The following PLAC1 variants were observed in gnomAD, a reference collection of about 807,000 sequenced individuals.
PLAC1 encodes placenta associated 1.
For missense variants in PLAC1, 136 were observed against 163.2 expected (o/e 0.83, Z 0.91); for synonymous variants, 68 against 62.1 (o/e 1.09, Z -0.44).
At chrX:134,663,450 G>A (rs973840517), upstream of PLAC1, among the ~76,000 whole-genome samples, 17 of 112,962 alleles carry the variant, frequency 1.5e-4, no homozygotes, top group Non-Finnish European at 2.1e-4. Context: ...GTGTGTGTGC[G>A]CGCACGCGCG....
At chrX:134,638,430 C>CT (rs1399125160) in intron 1 of PLAC1, among the ~76,000 whole-genome samples, 5 of 112,504 alleles carry the variant, frequency 4.4e-5, no homozygotes, top group Non-Finnish European at 9.4e-5. Context: ...GCAGAAAAAT[C>CT]TTATAAATAG....
chrX:134,702,177 A>T (rs1487753701), intron 2 of PLAC1, among the ~76,000 whole-genome samples: 2 of 112,422 alleles, frequency 1.8e-5, no homozygotes, highest in Non-Finnish European at 3.7e-5. Flanking sequence ...TGTGGAAAGC[A>T]GTTTGGAGAT....
At chrX:134,694,815 C>T (rs2078556949) in intron 2 of PLAC1, among the ~76,000 whole-genome samples, 1 of 111,583 alleles carries the variant, frequency 9.0e-6, no homozygotes, top group Admixed American at 9.5e-5. Flanking sequence ...TATTAGCATA[C>T]GATTGAGGAA....
intron 2 of PLAC1, among the ~76,000 whole-genome samples, chrX:134,704,728 C>T (rs1263140964): frequency 9.7e-6 from 1 of 103,576 alleles, no homozygotes; most frequent in African/African-American, 3.5e-5. Flanking sequence ...CGCAGTGGCT[C>T]ACACCTGTAA....
chrX:134,700,525 T>C (rs1340824283), intron 2 of PLAC1, among the ~76,000 whole-genome samples: 1 of 111,193 alleles, frequency 9.0e-6, no homozygotes, highest in East Asian at 2.8e-4. Flanking sequence ...ACAATATGAG[T>C]CTATACCTAG....
At chrX:134,709,717 C>T (rs375010876) in intron 2 of PLAC1, among the ~76,000 whole-genome samples, 149 of 111,861 alleles carry the variant, frequency 1.3e-3, no homozygotes, top group African/African-American at 4.6e-3. Flanking sequence ...AGGTAAAGGA[C>T]AGAGATTGAT....
chrX:134,566,260 C>T lies in PLAC1; in HGVS notation c.423G>A (p.Gln141=). ...ACACCTCGTAGCATTTCTCATCCTT[C>T]TGGGCTGTGGCCCTGCTCTTGCTGG... ...RVASKSRATA[Q]KDEKCYEVFS... The change falls in exon 3 of 3, where the codon CAG becomes CAA. Residue 141 remains glutamine (Q), a synonymous_variant. Transcript: ENST00000359237. The T allele has an allele frequency of 8.3e-7, 1 of 1,211,845 alleles. No individual in the cohort carries two copies. The highest frequency in any genetic ancestry group is 1.1e-6 in the Non-Finnish European group (1 of 895,468).
chrX:134,692,106 T>G lies in PLAC1; in HGVS notation n.174+41329A>C, dbSNP rs567488286. 1.4e-4 allele frequency among the ~76,000 whole-genome samples: 16 copies of G among 112,106 alleles called. No individual in the cohort carries two copies. The South Asian group carries it at 6.0e-3, about 42-fold the overall frequency. On this transcript the variant is annotated intron_variant and non_coding_transcript_variant, in intron 2 of 2. Transcript: ENST00000466797. ...TTTGATGAGCATTTGGGAAGACGGA[T>G]GGTGACAGGCATGGAGTTGTGGTTC... is the stretch of plus-strand genomic sequence containing the variant.
chrX:134,613,224 A>G (rs1018559970), intron 1 of PLAC1, among the ~76,000 whole-genome samples: 1 of 110,768 alleles, frequency 9.0e-6, no homozygotes, highest in Non-Finnish European at 1.9e-5. Flanking sequence ...GAATCCTGAG[A>G]CCCCTTTGCA....
chrX:134,727,909 A>C (rs1486260087), intron 2 of PLAC1, among the ~76,000 whole-genome samples: 1 of 112,419 alleles, frequency 8.9e-6, no homozygotes, highest in African/African-American at 3.2e-5. Context: ...AAAATATGAG[A>C]GTGATATCTC....
intron 2 of PLAC1, among the ~76,000 whole-genome samples, chrX:134,670,027 C>T (rs748834316): frequency 3.7e-5 from 4 of 108,023 alleles, no homozygotes; most frequent in African/African-American, 1.4e-4. Flanking sequence ...CACCCCACCC[C>T]CACCCTGAGA....
intron 2 of PLAC1, among the ~76,000 whole-genome samples, chrX:134,670,594 TC>T (rs2078452284): frequency 9.0e-6 from 1 of 111,121 alleles, no homozygotes. Context: ...AGCCACTGGA[TC>T]CCAGTCCCTG....
chrX:134,693,962 T>C (rs944056074), intron 2 of PLAC1, among the ~76,000 whole-genome samples: 18 of 111,517 alleles, frequency 1.6e-4, no homozygotes, highest in Non-Finnish European at 3.4e-4. Context: ...TACAAGGTTG[T>C]AGGGGAAAAA....
chrX:134,600,312 G>T (rs1232944897), intron 2 of PLAC1, among the ~76,000 whole-genome samples: 3 of 111,232 alleles, frequency 2.7e-5, no homozygotes, highest in Non-Finnish European at 5.7e-5. Context: ...GACTACATGT[G>T]CATGTCACCA....
chrX:134,724,113 T>C (rs780281339), intron 2 of PLAC1, among the ~76,000 whole-genome samples: 2 of 111,973 alleles, frequency 1.8e-5, no homozygotes, highest in Non-Finnish European at 3.8e-5. Context: ...AGGAGGCTAA[T>C]GAGACATGAC....
Position 134,588,290 on chromosome X carries a change from TTTTATTTATTTATTTATTTA to T in PLAC1, c.-59+13741_-59+13760del, listed in dbSNP as rs58865720. Among the ~76,000 whole-genome samples, 298 of 74,652 alleles carry T rather than the reference TTTTATTTATTTATTTATTTA, an allele frequency of 4.0e-3. 4 individuals carry two copies. Among genetic ancestry groups the T allele is most frequent in the Admixed American group, 0.038 (230 of 5,992 alleles). 64.8% of individuals were successfully genotyped at this position (74,652 alleles called of 115,157 possible). A position where few individuals can be genotyped will look rare whatever the true frequency, so the allele number is the denominator to read the frequency against. On this transcript the variant is annotated intron_variant, in intron 2 of 2. Transcript: ENST00000359237. Reference sequence around the variant, plus strand: ...CACCCTTTTTTTCTAGAACTCTTTATTTTATTTATTTATTTATTTATTTATTTATTTATTTATTTATTTAT... The same window carrying T: ...CACCCTTTTTTTCTAGAACTCTTTATTTTATTTATTTATTTATTTATTTAT...
chrX:134,661,141 C>T (rs183775118), upstream of PLAC1, among the ~76,000 whole-genome samples: 10 of 111,350 alleles, frequency 9.0e-5, no homozygotes, highest in Admixed American at 9.6e-4. Flanking sequence ...CTTCTTTTTG[C>T]CTCTTCCTTG....
At chrX:134,754,521 T>C (rs1172055563) in intron 1 of PLAC1, among the ~76,000 whole-genome samples, 1 of 111,501 alleles carries the variant, frequency 9.0e-6, no homozygotes. Flanking sequence ...CCTATTTTTC[T>C]GGGCTTGTAA....
chrX:134,762,206 CA>C lies in PLAC1; in HGVS notation n.89+2027del, dbSNP rs112396128. On this transcript the variant is annotated intron_variant and non_coding_transcript_variant, in intron 1 of 2. Coordinates refer to the PLAC1 transcript ENST00000466797. The stretch of plus-strand genomic sequence containing the variant: ...CAGAACTGTTGAGGCACCCCCCCCC[CA>C]ATGACCACTTCCAGTCATTCACTCT... 6.8e-4 allele frequency among the ~76,000 whole-genome samples: 73 copies of C among 106,943 alleles called. No homozygotes were observed. In the South Asian group the frequency reaches 0.019, roughly 27 times the overall value. 92.9% of individuals were successfully genotyped at this position (106,943 alleles called of 115,157 possible).
Sources: gnomAD v4.1 joint callset for allele counts (sites outside exome capture counted in the v4.1 genomes callset) on GRCh38, gnomAD v4.1.1 for gene constraint, MANE v1.5 for transcripts, NCBI Gene and HGNC (gene_info 2026-07-23, HGNC 2026-07-21) for gene names.